Variants in STX17 observed in about 807,000 individuals in gnomAD.
STX17 encodes the protein syntaxin 17.
A neutral mutation model predicts 35.9 loss-of-function variants in STX17; 29 were observed. The ratio of observed to expected loss-of-function variants is 0.81; its 90% CI spans 0.60 to 1.10. The LOEUF (loss-of-function observed/expected upper bound fraction) is 1.10. Among genes scored for constraint, STX17 ranks in the 50% least tolerant of loss-of-function variants. STX17 has a pLI of 0.00. For synonymous variants in STX17, 92 were observed against 118.3 expected, an observed-to-expected ratio of 0.78 and a Z score of 1.44; for missense variants, 312 against 352.3, an observed-to-expected ratio of 0.89 and a Z score of 0.92.
chr9:99,915,495 A>C, intron 2 of STX17, 133 bp downstream of exon 2: 1 of 1,124,524 alleles, frequency 8.9e-7, no homozygotes, highest in Non-Finnish European at 1.2e-6. Flanking sequence ...ATTTAGCAAC[A>C]TTATGCATTT....
chr9:99,931,497 T>C (rs1829122785), intron 3 of STX17, among the ~76,000 whole-genome samples: 1 of 151,976 alleles, frequency 6.6e-6, no homozygotes, highest in Non-Finnish European at 1.5e-5. Context: ...TTTGCTCTTT[T>C]TTTTTTTTTC....
chr9:99,961,510 A>T (rs147805252), intron 6 of STX17, among the ~76,000 whole-genome samples: 3 of 152,218 alleles, frequency 2.0e-5, no homozygotes, highest in African/African-American at 7.2e-5. Context: ...GGAAAGATAG[A>T]TTTTCCACCA....
intron 1 of STX17, among the ~76,000 whole-genome samples, chr9:99,910,386 G>T (rs1037843124): frequency 6.6e-6 from 1 of 152,142 alleles, no homozygotes; most frequent in African/African-American, 2.4e-5. Flanking sequence ...ATATTGCTTG[G>T]AATATGGATA....
intron 4 of STX17, among the ~76,000 whole-genome samples, chr9:99,952,257 C>T (rs1451196515): frequency 1.3e-5 from 2 of 152,074 alleles, no homozygotes; most frequent in African/African-American, 2.4e-5. Flanking sequence ...GACATTTATG[C>T]AGCCAAAAAA....
intron 3 of STX17, among the ~76,000 whole-genome samples, chr9:99,943,696 G>A (rs1176948607): frequency 2.0e-5 from 3 of 152,156 alleles, no homozygotes; most frequent in Non-Finnish European, 4.4e-5. Flanking sequence ...TCTTTTATAT[G>A]AAGCTAGATT....
In STX17 at chr9:99,972,709, T is replaced by C. The variant is rs1830039608; in HGVS notation, c.*4036T>C. 2.0e-5 allele frequency among the ~76,000 whole-genome samples: 3 copies of C among 152,162 alleles called. No individual in the cohort carries two copies. The highest frequency in any genetic ancestry group is 4.4e-5 in the Non-Finnish European group (3 of 68,032). ...AATATAGCTAGATAATATACAACGT[T>C]TGTCTTCCATCAGAGTGCAGAAACC... On this transcript the variant is annotated 3_prime_UTR_variant, in exon 8 of 8. Transcript: ENST00000259400.
chr9:99,931,493 CT>C (rs5899396), intron 3 of STX17, among the ~76,000 whole-genome samples: 57,602 of 144,158 alleles, frequency 0.4, 11,661 homozygotes, highest in East Asian at 0.69. Context: ...TCATTTTGCT[CT>C]TTTTTTTTTT....
At chr9:99,918,319 C>T (rs940611085) in intron 2 of STX17, among the ~76,000 whole-genome samples, 44 of 152,126 alleles carry the variant, frequency 2.9e-4, no homozygotes, top group Non-Finnish European at 4.7e-4. Flanking sequence ...TTTGTAGAGA[C>T]GGGGTCTCAC....
intron 2 of STX17, among the ~76,000 whole-genome samples, chr9:99,925,304 A>G (rs994764147): frequency 1.4e-4 from 21 of 152,146 alleles, no homozygotes; most frequent in African/African-American, 5.1e-4. Flanking sequence ...TGTGGTTGCT[A>G]TACATTTTAC....
chr9:99,916,051 A>G, intron 2 of STX17: 1 of 455,978 alleles, frequency 2.2e-6, no homozygotes, highest in Non-Finnish European at 4.4e-6. Context: ...CTCTTTAGGT[A>G]TACATACATT....
At chr9:99,923,638 A>G (rs1828931961) in intron 2 of STX17, among the ~76,000 whole-genome samples, 1 of 152,188 alleles carries the variant, frequency 6.6e-6, no homozygotes, top group Non-Finnish European at 1.5e-5. Context: ...CTGTCTACCT[A>G]GAGATAGCCT....
At chr9:99,966,797 A>C (rs1012605058) in intron 6 of STX17, among the ~76,000 whole-genome samples, 1 of 152,216 alleles carries the variant, frequency 6.6e-6, no homozygotes, top group Non-Finnish European at 1.5e-5. Flanking sequence ...AAAAATGGGA[A>C]TGTGTTCCTA....
intron 6 of STX17, among the ~76,000 whole-genome samples, chr9:99,965,508 G>A (rs751258467): frequency 1.3e-5 from 2 of 152,140 alleles, no homozygotes; most frequent in Non-Finnish European, 2.9e-5. Flanking sequence ...TTTTAAGCCT[G>A]TGATTTATCT....
At chr9:99,967,865 G>A in intron 7 of STX17, 126 bp downstream of exon 7, 1 of 772,866 alleles carries the variant, frequency 1.3e-6, no homozygotes, top group Non-Finnish European at 2.2e-6. Context: ...AGGAAGAAAT[G>A]ACACATAGGT....
At chr9:99,933,820 C>T (rs1829173745) in intron 3 of STX17, among the ~76,000 whole-genome samples, 1 of 152,154 alleles carries the variant, frequency 6.6e-6, no homozygotes, top group Non-Finnish European at 1.5e-5. Flanking sequence ...ATTTTTGTCA[C>T]TTACCATACA....
At chr9:99,933,217 A>G (rs916117630) in intron 3 of STX17, among the ~76,000 whole-genome samples, 3 of 152,168 alleles carry the variant, frequency 2.0e-5, no homozygotes, top group African/African-American at 7.2e-5. Context: ...TCTGAAGCAC[A>G]TTGTAATTCC....
At chr9:99,919,249 C>T (rs991805356) in intron 2 of STX17, among the ~76,000 whole-genome samples, 4 of 152,142 alleles carry the variant, frequency 2.6e-5, no homozygotes, top group African/African-American at 9.7e-5. Flanking sequence ...CATCTGGTTA[C>T]CTGGTAGCTG....
At chr9:99,912,752 AT>A (rs1303716976) in intron 1 of STX17, among the ~76,000 whole-genome samples, 2 of 152,190 alleles carry the variant, frequency 1.3e-5, no homozygotes, top group African/African-American at 2.4e-5. Context: ...ACATGGAAAC[AT>A]TTTTATTATA....
rs762770174 is a variant in STX17 at position 99,967,702 on chromosome 9, C to T, written c.632C>T (p.Ala211Val). The T allele has an allele frequency of 6.2e-7, 1 of 1,613,894 alleles. No homozygotes were observed. The highest frequency in any genetic ancestry group is 8.5e-7 in the Non-Finnish European group (1 of 1,179,890). The change falls in exon 7 of 8, where the codon GCT becomes GTT. Residue 211 changes from alanine (A) to valine (V), a missense_variant. Transcript: ENST00000259400. ...ATTGCAGACCATGTCAACAGTGCTG[C>T]TGTGAATGTTGAAGAGGGAACCAAA... ...DSIADHVNSA[A>V]VNVEEGTKNL...
Sources: gnomAD v4.1 joint callset for allele counts (sites outside exome capture counted in the v4.1 genomes callset) on GRCh38, gnomAD v4.1.1 for gene constraint, MANE v1.5 for transcripts, NCBI Gene and HGNC (gene_info 2026-07-23, HGNC 2026-07-21) for gene names.